CAPZA2: variants seen among roughly 807,000 people sequenced by gnomAD.
CAPZA2 encodes the protein F-actin-capping protein subunit alpha-2.
In CAPZA2, 13 loss-of-function variants were observed where a neutral mutation model predicts 44.0. The observed-to-expected ratio is 0.30, with a 90% CI of 0.19 to 0.47. CAPZA2 has a LOEUF of 0.47. CAPZA2 is among the 20% of genes least tolerant of loss of function. The pLI is 1.00. For missense variants in CAPZA2, 244 were observed against 338.6 expected (o/e 0.72, Z 2.19); for synonymous variants, 94 against 108.2 (o/e 0.87, Z 0.81).
At chr7:116,875,876 G>C (rs985493017) in intron 1 of CAPZA2, 1 of 152,018 alleles carries the variant, frequency 6.6e-6, no homozygotes, top group Admixed American at 6.5e-5. Context: ...ATGTTATCCC[G>C]TAACTCAAAG....
At position 116,918,567 on chromosome 7, in the gene CAPZA2, CAT is replaced by C. The variant is rs1791716159; in HGVS notation, c.*703_*704del. The C allele has an allele frequency of 6.6e-6, 1 of 152,476 alleles. No homozygotes were observed. The highest frequency in any genetic ancestry group is 6.6e-5 in the Admixed American group (1 of 15,250). The allele number at this position is 152,476 out of a possible 1,614,324, so 9.4% of individuals were successfully genotyped here. A position where few individuals can be genotyped will look rare whatever the true frequency, so the allele number is the denominator to read the frequency against. ...CAGTTACGCAAATCAGCTTGAATTC[CAT>C]ATGTCCCTGAGTTATTTTTATCATA... On this transcript the variant is annotated 3_prime_UTR_variant, in exon 10 of 10. Coordinates refer to ENST00000361183, the MANE Select transcript of CAPZA2 (RefSeq NM_006136.3).
chr7:116,920,151 AGG>A lies in CAPZA2; in HGVS notation c.*2285_*2286del, dbSNP rs1791748174. On this transcript the variant is annotated 3_prime_UTR_variant, in exon 10 of 10. Transcript: ENST00000361183. ...TCCCAACTACTCAGGAGGCTGAGAC[AGG>A]AGAATCATTTGAACCCGGGAGGTGG... 6.6e-6 allele frequency: 1 copy of A among 150,926 alleles called. No homozygotes were observed. Among genetic ancestry groups the A allele is most frequent in the Admixed American group, 6.6e-5 (1 of 15,198 alleles). The allele number at this position is 150,926 out of a possible 1,614,324, so 9.3% of individuals were successfully genotyped here.
chr7:116,881,179 G>T (rs867771926), intron 1 of CAPZA2, among the ~76,000 whole-genome samples: 1 of 152,106 alleles, frequency 6.6e-6, no homozygotes. Flanking sequence ...TCTTGAGGAA[G>T]TCACATTCTT....
At chr7:116,885,576 G>A (rs929094381) in intron 1 of CAPZA2, among the ~76,000 whole-genome samples, 2 of 152,072 alleles carry the variant, frequency 1.3e-5, no homozygotes, top group African/African-American at 2.4e-5. Flanking sequence ...TCACAAGTCC[G>A]GGCATTAGGA....
chr7:116,913,752 G>A (rs1791627891), intron 8 of CAPZA2, among the ~76,000 whole-genome samples: 1 of 147,586 alleles, frequency 6.8e-6, no homozygotes, highest in South Asian at 2.1e-4. Flanking sequence ...ACAGGCACGT[G>A]CCACCACACC....
intron 1 of CAPZA2, among the ~76,000 whole-genome samples, chr7:116,883,102 G>T (rs1796721382): frequency 6.6e-6 from 1 of 152,198 alleles, no homozygotes; most frequent in Non-Finnish European, 1.5e-5. Flanking sequence ...ACATTTAGCA[G>T]TGGGCCTAGA....
At chr7:116,884,690 G>A (rs1396293563) in intron 1 of CAPZA2, among the ~76,000 whole-genome samples, 1 of 152,148 alleles carries the variant, frequency 6.6e-6, no homozygotes, top group Non-Finnish European at 1.5e-5. Context: ...TTGGGTGGTA[G>A]ATTATTTCCA....
chr7:116,884,875 T>A (rs1422019647), intron 1 of CAPZA2, among the ~76,000 whole-genome samples: 1 of 152,212 alleles, frequency 6.6e-6, no homozygotes, highest in Non-Finnish European at 1.5e-5. Flanking sequence ...CAGAAATGTA[T>A]GAGAGTTCCT....
At position 116,901,881 on chromosome 7, in the gene CAPZA2, ATGTG is replaced by A. The variant is rs1554410805; in HGVS notation, c.220-2268_220-2265del. On this transcript the variant is annotated intron_variant, in intron 4 of 9. Coordinates refer to ENST00000361183, the MANE Select transcript of CAPZA2 (RefSeq NM_006136.3). ...AAAACATGCTTGAAATAACGAAGAA[ATGTG>A]TGTGTGTGTGTGTGTGTGTGTGTGT... is the stretch of plus-strand genomic sequence containing the variant. Among the ~76,000 whole-genome samples, 643 of 140,886 alleles carry A rather than the reference ATGTG, an allele frequency of 4.6e-3. 7 individuals are homozygous for A. The highest frequency in any genetic ancestry group is 0.015 in the Middle Eastern group (4 of 268). The allele number at this position is 140,886 out of a possible 152,430, so 92.4% of individuals were successfully genotyped here. A position where few individuals can be genotyped will look rare whatever the true frequency, so the allele number is the denominator to read the frequency against.
chr7:116,901,429 A>G (rs1796992838), intron 4 of CAPZA2, among the ~76,000 whole-genome samples: 1 of 152,154 alleles, frequency 6.6e-6, no homozygotes, highest in Non-Finnish European at 1.5e-5. Context: ...ATCAAATATC[A>G]CATGTTCTCA....
At chr7:116,882,544 A>C (rs1156644895) in intron 1 of CAPZA2, among the ~76,000 whole-genome samples, 1 of 152,128 alleles carries the variant, frequency 6.6e-6, no homozygotes, top group Non-Finnish European at 1.5e-5. Context: ...TTTGACAGTA[A>C]TACGTTTGTA....
intron 1 of CAPZA2, among the ~76,000 whole-genome samples, chr7:116,870,414 A>G (rs1585000797): frequency 6.6e-6 from 1 of 152,122 alleles, no homozygotes; most frequent in African/African-American, 2.4e-5. Context: ...TTGAGTGTCT[A>G]CTCTATATTT....
At chr7:116,876,873 C>T (rs1365983799) in intron 1 of CAPZA2, among the ~76,000 whole-genome samples, 1 of 152,156 alleles carries the variant, frequency 6.6e-6, no homozygotes, top group Non-Finnish European at 1.5e-5. Context: ...TGCTTGAGGA[C>T]GGAGTGAACA....
intron 6 of CAPZA2, 103 bp from the exon 7 acceptor site, chr7:116,910,130 C>T (rs967104166): frequency 2.7e-6 from 2 of 727,908 alleles, no homozygotes; most frequent in African/African-American, 1.7e-5. Context: ...AGTATTCATC[C>T]CCCACACTCT....
At chr7:116,877,502 GT>G (rs976840440) in intron 1 of CAPZA2, among the ~76,000 whole-genome samples, 11 of 152,222 alleles carry the variant, frequency 7.2e-5, no homozygotes, top group African/African-American at 2.7e-4. Context: ...GAATGGATAG[GT>G]TGTAGGAGCT....
intron 5 of CAPZA2, among the ~76,000 whole-genome samples, chr7:116,905,773 A>T (rs1791490819): frequency 6.6e-6 from 1 of 152,208 alleles, no homozygotes; most frequent in South Asian, 2.1e-4. Flanking sequence ...GTGAAATAGC[A>T]TTGTGATACA....
At chr7:116,872,058 C>T (rs1796560824) in intron 1 of CAPZA2, among the ~76,000 whole-genome samples, 1 of 152,056 alleles carries the variant, frequency 6.6e-6, no homozygotes, top group Admixed American at 6.6e-5. Context: ...TTGAGTCTCA[C>T]TGTATCACTG....
chr7:116,892,938 A>C, intron 2 of CAPZA2, 56 bp from the exon 3 acceptor site: 1 of 1,290,662 alleles, frequency 7.7e-7, no homozygotes, highest in South Asian at 1.3e-5. Flanking sequence ...ATCTGCGTTC[A>C]TTACATTCTT....
intron 8 of CAPZA2, among the ~76,000 whole-genome samples, chr7:116,913,733 G>A (rs564686299): frequency 2.5e-4 from 37 of 149,982 alleles, no homozygotes; most frequent in African/African-American, 9.1e-4. Flanking sequence ...CTCCTGAGTA[G>A]CTGGGACTAC....
Sources: allele counts gnomAD v4.1 joint callset (sites outside exome capture counted in the v4.1 genomes callset), GRCh38; gene constraint gnomAD v4.1.1; transcripts MANE v1.5; gene names NCBI Gene and HGNC (gene_info 2026-07-23, HGNC 2026-07-21).